The following REC114 variants were observed in gnomAD, a reference collection of about 807,000 sequenced individuals.
REC114 encodes meiotic recombination protein REC114.
A neutral mutation model predicts 31.3 loss-of-function variants in REC114; 27 were observed. The ratio of observed to expected loss-of-function variants is 0.86; its 90% CI spans 0.64 to 1.19. REC114 has a LOEUF of 1.19. Ranked by LOEUF, REC114 falls within the 50% of genes most tolerant of loss-of-function variation. The probability of loss-of-function intolerance (pLI) is 0.00; values close to 1 mark genes in which losing one functional copy is unlikely to be tolerated. For missense variants in REC114, 344 were observed against 326.9 expected, an observed-to-expected ratio of 1.05 and a Z score of -0.40; for synonymous variants, 134 against 127.7, an observed-to-expected ratio of 1.05 and a Z score of -0.33.
chr15:73,469,425 CT>C (rs1428476234), intron 1 of REC114, among the ~76,000 whole-genome samples: 1 of 151,630 alleles, frequency 6.6e-6, no homozygotes, highest in Non-Finnish European at 1.5e-5. Flanking sequence ...TTATTTTTAT[CT>C]TTTTAGTGAA....
intron 2 of REC114, among the ~76,000 whole-genome samples, chr15:73,505,127 A>T (rs1229340531): frequency 6.6e-6 from 1 of 151,668 alleles, no homozygotes; most frequent in African/African-American, 2.4e-5. Flanking sequence ...TGTCTTATTT[A>T]TCTTTTAATC....
chr15:73,529,401 G>T (rs891405174), intron 2 of REC114, among the ~76,000 whole-genome samples: 4 of 152,138 alleles, frequency 2.6e-5, no homozygotes, highest in African/African-American at 9.7e-5. Context: ...GCCTCCCAAA[G>T]TGCTGGGATT....
chr15:73,484,660 A>T (rs1893342769), intron 2 of REC114, among the ~76,000 whole-genome samples: 1 of 152,196 alleles, frequency 6.6e-6, no homozygotes, highest in Admixed American at 6.5e-5. Flanking sequence ...TCCAAATGGG[A>T]GAAGTTATTT....
intron 2 of REC114, among the ~76,000 whole-genome samples, chr15:73,523,725 TTC>T (rs765365201): frequency 1.3e-5 from 2 of 152,252 alleles, no homozygotes; most frequent in Non-Finnish European, 2.9e-5. Flanking sequence ...TATGAAATGT[TTC>T]TTTTATGGTT....
chr15:73,497,629 C>T (rs1893547295), intron 2 of REC114, among the ~76,000 whole-genome samples: 1 of 152,180 alleles, frequency 6.6e-6, no homozygotes, highest in African/African-American at 2.4e-5. Context: ...ATAATACCTG[C>T]TTGTGGTATA....
At chr15:73,541,112 T>C (rs954210823) in intron 3 of REC114, among the ~76,000 whole-genome samples, 29 of 152,150 alleles carry the variant, frequency 1.9e-4, no homozygotes, top group African/African-American at 6.5e-4. Flanking sequence ...AAGTGAAAGA[T>C]ACTAATTTTT....
chr15:73,559,650 G>A, intron 5 of REC114, 102 bp from the exon 6 acceptor site: 1 of 1,074,276 alleles, frequency 9.3e-7, no homozygotes, highest in Non-Finnish European at 1.3e-6. Context: ...TTTTTGGTGT[G>A]TATTTCGCTA....
chr15:73,525,781 G>A (rs968682668), intron 2 of REC114, among the ~76,000 whole-genome samples: 1 of 152,006 alleles, frequency 6.6e-6, no homozygotes, highest in Non-Finnish European at 1.5e-5. Flanking sequence ...CTTTTTGAAT[G>A]TTTTGTGTGC....
chr15:73,468,017 C>G (rs1330250364), intron 1 of REC114, among the ~76,000 whole-genome samples: 1 of 152,102 alleles, frequency 6.6e-6, no homozygotes, highest in East Asian at 1.9e-4. Context: ...CTCCCTCTTT[C>G]TCTTGTAAGG....
chr15:73,496,838 C>G (rs896462167), intron 2 of REC114, among the ~76,000 whole-genome samples: 1 of 151,896 alleles, frequency 6.6e-6, no homozygotes, highest in Non-Finnish European at 1.5e-5. Context: ...GTGTTTTTTG[C>G]TGGTTCAGGA....
chr15:73,532,624 C>T (rs1355657031), intron 2 of REC114, among the ~76,000 whole-genome samples: 1 of 152,116 alleles, frequency 6.6e-6, no homozygotes, highest in Non-Finnish European at 1.5e-5. Flanking sequence ...GTTCCTATTT[C>T]TCCACATCCT....
intron 2 of REC114, among the ~76,000 whole-genome samples, chr15:73,494,072 A>G (rs1893482978): frequency 6.6e-6 from 1 of 152,126 alleles, no homozygotes; most frequent in South Asian, 2.1e-4. Context: ...AAGGTGCATC[A>G]CTAGTTGGCT....
intron 2 of REC114, among the ~76,000 whole-genome samples, chr15:73,528,930 G>T (rs1344051435): frequency 6.6e-6 from 1 of 152,002 alleles, no homozygotes; most frequent in African/African-American, 2.4e-5. Context: ...AGACTTAAGA[G>T]ACATGACAAG....
At position 73,537,557 on chromosome 15, in the gene REC114, C is replaced by G. The variant is rs533676015; in HGVS notation, c.250-2928C>G. Among the ~76,000 whole-genome samples the G allele has an allele frequency of 7.9e-5, 12 of 152,222 alleles. No individual in the cohort carries two copies. The South Asian group carries it at 1.9e-3, about 24-fold the overall frequency. On this transcript the variant is annotated intron_variant, in intron 2 of 5. Coordinates refer to ENST00000331090, the MANE Select transcript of REC114 (RefSeq NM_001042367.2). The stretch of plus-strand genomic sequence containing the variant: ...CCCAGACAGGCTATGCTGTTTCATG[C>G]CTTTTTAAAATTGTGGTAAAAAACA...
intron 1 of REC114, among the ~76,000 whole-genome samples, chr15:73,469,570 C>T (rs550876146): frequency 6.6e-6 from 1 of 152,060 alleles, no homozygotes; most frequent in South Asian, 2.1e-4. Flanking sequence ...GCTGGGACTA[C>T]AGGCGTGTAC....
chr15:73,559,357 C>CT (rs1456431209), intron 5 of REC114, among the ~76,000 whole-genome samples: 1 of 152,238 alleles, frequency 6.6e-6, no homozygotes, highest in African/African-American at 2.4e-5. Flanking sequence ...CACATCCACT[C>CT]TGCCACCTAT....
At chr15:73,481,343 C>T (rs1314821920) in intron 2 of REC114, among the ~76,000 whole-genome samples, 1 of 152,142 alleles carries the variant, frequency 6.6e-6, no homozygotes, top group Non-Finnish European at 1.5e-5. Context: ...TCTAGTAATA[C>T]TACAGATTTC....
rs866138905 is a variant in REC114 at position 73,539,447 on chromosome 15, C to T, written c.250-1038C>T. On this transcript the variant is annotated intron_variant, in intron 2 of 5. Transcript: ENST00000331090. Reference sequence around the variant, plus strand: ...CTAGGACTACAGGCACCTGCCACCACGCCCGGCTACTTTTTTTTTTTTTTT... The same window carrying T: ...CTAGGACTACAGGCACCTGCCACCATGCCCGGCTACTTTTTTTTTTTTTTT... Among the ~76,000 whole-genome samples, 9 of 144,272 alleles carry T rather than the reference C, an allele frequency of 6.2e-5. No homozygotes were observed. The South Asian group carries it at 7.1e-4, about 11-fold the overall frequency. The allele number at this position is 144,272 out of a possible 152,430, so 94.6% of individuals were successfully genotyped here.
chr15:73,489,641 CTATTA>C (rs1398055857), intron 2 of REC114, among the ~76,000 whole-genome samples: 3 of 151,238 alleles, frequency 2.0e-5, no homozygotes, highest in Non-Finnish European at 4.4e-5. Context: ...CCTCTTAATT[CTATTA>C]TATTATTATT....
Sources: gnomAD v4.1 joint callset for allele counts (sites outside exome capture counted in the v4.1 genomes callset) on GRCh38, gnomAD v4.1.1 for gene constraint, MANE v1.5 for transcripts, NCBI Gene and HGNC (gene_info 2026-07-23, HGNC 2026-07-21) for gene names.